TSHB: variants seen among roughly 807,000 people sequenced by gnomAD.
TSHB encodes thyrotropin subunit beta.
TSHB carries 9 observed loss-of-function variants against 9.3 expected under a neutral mutation model. The ratio of observed to expected loss-of-function variants is 0.97; its 90% CI spans 0.58 to 1.69. The LOEUF is 1.69. TSHB is among the 40% of genes most tolerant of loss of function. The probability of loss-of-function intolerance (pLI) is 0.00; values close to 1 mark genes in which losing one functional copy is unlikely to be tolerated. For synonymous variants in TSHB, 57 were observed against 57.2 expected (o/e 1.00, Z 0.01); for missense variants, 182 against 168.5 (o/e 1.08, Z -0.44).
intron 1 of TSHB, among the ~76,000 whole-genome samples, chr1:115,030,130 T>C (rs552578448): frequency 4.7e-4 from 71 of 152,192 alleles, no homozygotes; most frequent in African/African-American, 1.7e-3. Context: ...TTGATATTCA[T>C]GGCTTTCTTC....
chr1:115,034,192 C>T lies in TSHB; in HGVS notation c.382C>T (p.Pro128Ser). ...CATCAAGACAAACTACTGTACCAAA[C>T]CTCAGAAGTCTTATCTGGTAGGATT... ...EAIKTNYCTK[P>S]QKSYLVGFSV The change falls in exon 3 of 3, where the codon CCT becomes TCT. Residue 128 changes from proline to serine, a missense_variant. By Grantham distance (74) the Pro-to-Ser change is moderately conservative. Coordinates refer to ENST00000256592, the MANE Select transcript of TSHB (RefSeq NM_000549.5). 1.2e-6 allele frequency: 2 copies of T among 1,613,764 alleles called. No individual in the cohort carries two copies. Among genetic ancestry groups the T allele is most frequent in the East Asian group, 2.2e-5 (1 of 44,860 alleles).
rs1250695339 is a variant in TSHB at position 115,033,475 on chromosome 1, A to G, written c.113A>G (p.Tyr38Cys). 1.9e-6 allele frequency: 3 copies of G among 1,613,210 alleles called. No individual in the cohort carries two copies. The highest frequency in any genetic ancestry group is 1.3e-5 in the African/African-American group (1 of 74,874). ...TMHIERRECA[Y>C]CLTINTTICA... is the part of the protein sequence containing the mutation. ...CACATCGAAAGGAGAGAGTGTGCTTATTGCCTAACCATCAACACCACCATC... is the reference window on the plus strand; with the variant it reads ...CACATCGAAAGGAGAGAGTGTGCTTGTTGCCTAACCATCAACACCACCATC... The change falls in exon 2 of 3, where the codon TAT (tyrosine) becomes TGT (cysteine). Residue 38 changes from tyrosine to cysteine, a missense_variant. Physicochemically the swap from Tyr to Cys is radical, Grantham distance 194. Coordinates refer to ENST00000256592, the MANE Select transcript of TSHB (RefSeq NM_000549.5).
intron 1 of TSHB, 70 bp from the exon 2 acceptor site, chr1:115,033,292 T>C (rs780345835): frequency 3.5e-5 from 52 of 1,466,806 alleles, no homozygotes; most frequent in Non-Finnish European, 4.7e-5. Context: ...AGTTTGGTTA[T>C]ACTTTTTCTT....
At chr1:115,032,463 A>G (rs909451295) in intron 1 of TSHB, among the ~76,000 whole-genome samples, 1 of 152,088 alleles carries the variant, frequency 6.6e-6, no homozygotes, top group Non-Finnish European at 1.5e-5. Flanking sequence ...TATTTTATTT[A>G]ATAGAACAAG....
chr1:115,033,362 C>T lies in TSHB; in HGVS notation c.-1C>T. On this transcript the variant is annotated splice_region_variant and 5_prime_UTR_variant, in exon 2 of 3. Coordinates refer to ENST00000256592, the MANE Select transcript of TSHB (RefSeq NM_000549.5). Reference sequence around the variant, plus strand: ...TTCTTTAATTTTATCTTTGATTTAGCATGACTGCTCTCTTTCTGATGTCCA... The same window carrying T: ...TTCTTTAATTTTATCTTTGATTTAGTATGACTGCTCTCTTTCTGATGTCCA... The T allele has an allele frequency of 3.1e-6, 5 of 1,613,114 alleles. No homozygotes were observed. Among genetic ancestry groups the T allele is most frequent in the Non-Finnish European group, 4.2e-6 (5 of 1,179,280 alleles).
At chr1:115,031,642 A>G (rs1002719186) in intron 1 of TSHB, among the ~76,000 whole-genome samples, 1 of 151,996 alleles carries the variant, frequency 6.6e-6, no homozygotes, top group African/African-American at 2.4e-5. Flanking sequence ...CATGATGGGT[A>G]AGCATTTTAC....
chr1:115,029,962 A>G (rs1442478652), intron 1 of TSHB, 102 bp downstream of exon 1: 1 of 152,476 alleles, frequency 6.6e-6, no homozygotes, highest in African/African-American at 2.4e-5. Context: ...GCAAATGCTG[A>G]AAGATAATTT....
intron 1 of TSHB, among the ~76,000 whole-genome samples, chr1:115,031,625 T>C (rs1279098528): frequency 6.6e-6 from 1 of 152,032 alleles, no homozygotes; most frequent in African/African-American, 2.4e-5. Flanking sequence ...GCAAGAACTA[T>C]AATGGCCATG....
chr1:115,031,366 T>A lies in TSHB; in HGVS notation c.-2+1506T>A, dbSNP rs1674891380. Among the ~76,000 whole-genome samples the A allele has an allele frequency of 7.9e-5, 12 of 152,082 alleles. No homozygotes were observed. The South Asian group carries it at 2.5e-3, about 31-fold the overall frequency. ...AACCAAAACAAATTTTCATCCTACA[T>A]TTTAAAAAGGGTCAGGTGTACTTGT... is the stretch of plus-strand genomic sequence containing the variant. On this transcript the variant is annotated intron_variant, in intron 1 of 2. Transcript: ENST00000256592.
intron 1 of TSHB, among the ~76,000 whole-genome samples, chr1:115,030,200 C>G (rs754697976): frequency 3.3e-5 from 5 of 152,022 alleles, no homozygotes; most frequent in Non-Finnish European, 7.4e-5. Flanking sequence ...TAAATCCTCT[C>G]AATTACTGTA....
intron 2 of TSHB, 137 bp from the exon 3 acceptor site, chr1:115,033,836 G>C: frequency 7.8e-7 from 1 of 1,275,898 alleles, no homozygotes. Context: ...GTTGGTATTG[G>C]AGAATGGGGC....
At chr1:115,031,774 C>T (rs1042707876) in intron 1 of TSHB, among the ~76,000 whole-genome samples, 1 of 151,962 alleles carries the variant, frequency 6.6e-6, no homozygotes, top group African/African-American at 2.4e-5. Flanking sequence ...CTTGAGAAAG[C>T]CAGATTCCAT....
chr1:115,031,124 G>A (rs540904357), intron 1 of TSHB, among the ~76,000 whole-genome samples: 2 of 152,040 alleles, frequency 1.3e-5, no homozygotes, highest in Admixed American at 1.3e-4. Context: ...AGAAAGTTGA[G>A]GCCCAGAAAG....
intron 2 of TSHB, 75 bp downstream of exon 2, chr1:115,033,599 A>G (rs1674943628): frequency 2.2e-6 from 3 of 1,337,470 alleles, no homozygotes; most frequent in Non-Finnish European, 3.2e-6. Flanking sequence ...TATAGAAAGG[A>G]AATGAAATAA....
At chr1:115,032,516 G>C (rs1389216747) in intron 1 of TSHB, among the ~76,000 whole-genome samples, 8 of 151,680 alleles carry the variant, frequency 5.3e-5, no homozygotes, top group Non-Finnish European at 1.2e-4. Flanking sequence ...ACTCCATTAA[G>C]GTATATATTT....
chr1:115,033,463 G>A lies in TSHB; in HGVS notation c.101G>A (p.Arg34Lys). The change falls in exon 2 of 3, where the codon AGA becomes AAA. Residue 34 changes from arginine (R) to lysine (K), a missense_variant. Physicochemically the swap from Arg to Lys is conservative, Grantham distance 26. Coordinates refer to ENST00000256592, the MANE Select transcript of TSHB (RefSeq NM_000549.5). ...PTEYTMHIER[R>K]ECAYCLTINT... The stretch of plus-strand genomic sequence containing the variant: ...GAGTATACAATGCACATCGAAAGGA[G>A]AGAGTGTGCTTATTGCCTAACCATC... The A allele has an allele frequency of 1.2e-6, 2 of 1,613,184 alleles. No homozygotes were observed. The highest frequency in any genetic ancestry group is 1.7e-6 in the Non-Finnish European group (2 of 1,179,194).
At chr1:115,033,951 C>T in intron 2 of TSHB, 22 bp from the exon 3 acceptor site, 2 of 1,612,054 alleles carry the variant, frequency 1.2e-6, no homozygotes, top group South Asian at 1.1e-5. Flanking sequence ...ACATTATGCT[C>T]TCTTTTCTGT....
rs781197789 is a variant in TSHB, at chr1:115,033,405, T to C, written c.43T>C (p.Cys15Arg). The stretch of plus-strand genomic sequence containing the variant: ...GATGTCCATGCTTTTTGGCCTTACA[T>C]GTGGGCAAGCGATGTCTTTTTGTAT... ...FLMSMLFGLT[C>R]GQAMSFCIPT... The change falls in exon 2 of 3, where the codon TGT (cysteine) becomes CGT (arginine). Residue 15 changes from cysteine (C) to arginine (R), a missense_variant. Cys to Arg is a radical substitution (Grantham distance 180). Transcript: ENST00000256592. 25 of 1,613,484 alleles carry C rather than the reference T, an allele frequency of 1.5e-5. No individual in the cohort carries two copies. The highest frequency in any genetic ancestry group is 2.1e-5 in the Non-Finnish European group (25 of 1,179,484).
Position 115,034,288 on chromosome 1 carries a change from T to C in TSHB, c.*61T>C. The C allele has an allele frequency of 1.3e-6, 2 of 1,551,262 alleles. No homozygotes were observed. The highest frequency in any genetic ancestry group is 1.7e-4 in the Middle Eastern group (1 of 5,742). ...GCCTGAAATAAAGCTAATAAAAATA[T>C]TATGTTTCACATTATCTTCTGTTCA... On this transcript the variant is annotated 3_prime_UTR_variant, in exon 3 of 3. Coordinates refer to ENST00000256592, the MANE Select transcript of TSHB (RefSeq NM_000549.5).
Sources: allele counts gnomAD v4.1 joint callset (sites outside exome capture counted in the v4.1 genomes callset), GRCh38; gene constraint gnomAD v4.1.1; transcripts MANE v1.5; gene names NCBI Gene and HGNC (gene_info 2026-07-23, HGNC 2026-07-21).